RTL4: variants seen among roughly 807,000 people sequenced by gnomAD.
The protein encoded by RTL4 is retrotransposon Gag like 4.
Under a neutral mutation model 5.3 loss-of-function variants are expected in RTL4, and 4 were observed. The ratio of observed to expected loss-of-function variants is 0.75; its 90% confidence interval spans 0.37 to 1.72. The LOEUF (loss-of-function observed/expected upper bound fraction) is 1.72, where lower values mean the gene tolerates loss of function less well. Among genes scored for constraint, RTL4 ranks in the 40% most tolerant of loss-of-function variants. The pLI, the probability that RTL4 is intolerant of heterozygous loss-of-function variation, is 0.04. For missense variants in RTL4, 260 were observed against 227.1 expected, an observed-to-expected ratio of 1.14 and a Z score of -0.93; for synonymous variants, 98 against 87.3, an observed-to-expected ratio of 1.12 and a Z score of -0.68.
chrX:112,366,563 T>C, the RTL4 span, among the ~76,000 whole-genome samples: 2 of 112,039 alleles, frequency 1.8e-5, no homozygotes, highest in East Asian at 5.7e-4. Flanking sequence ...AGATAAGTAT[T>C]TGTTTGTTGA....
chrX:112,088,933 A>C, the RTL4 span, among the ~76,000 whole-genome samples: 2 of 111,920 alleles, frequency 1.8e-5, no homozygotes, highest in African/African-American at 6.5e-5. Context: ...TTGTTGAGTT[A>C]TAAATGTTCT....
the RTL4 span, among the ~76,000 whole-genome samples, chrX:112,445,197 A>C: frequency 1.8e-5 from 2 of 111,500 alleles, no homozygotes; most frequent in Admixed American, 1.9e-4. Context: ...GGAGCTGTTT[A>C]CTTGTCACCT....
the RTL4 span, among the ~76,000 whole-genome samples, chrX:112,257,885 A>ATATG: frequency 4.3e-4 from 45 of 104,272 alleles, no homozygotes; most frequent in African/African-American, 1.6e-3. Context: ...ATATATATAT[A>ATATG]TGTGTATATA....
chrX:112,425,565 T>C, the RTL4 span, among the ~76,000 whole-genome samples: 1 of 111,592 alleles, frequency 9.0e-6, no homozygotes, highest in Non-Finnish European at 1.9e-5. Context: ...AGAGTTCCTG[T>C]TGTCCACATC....
chrX:112,360,322 T>C, the RTL4 span, among the ~76,000 whole-genome samples: 1,677 of 111,414 alleles, frequency 0.015, 34 homozygotes, highest in African/African-American at 0.052. Flanking sequence ...CTAGATTTGG[T>C]TTATTGGCTC....
At chrX:112,212,375 C>CA in the RTL4 span, among the ~76,000 whole-genome samples, 44 of 105,054 alleles carry the variant, frequency 4.2e-4, no homozygotes, top group South Asian at 1.7e-3. Flanking sequence ...GACTCCGTCT[C>CA]AAAAAAAAAA....
the RTL4 span, among the ~76,000 whole-genome samples, chrX:112,346,558 T>C: frequency 9.0e-6 from 1 of 111,402 alleles, no homozygotes; most frequent in Non-Finnish European, 1.9e-5. Context: ...GAAGAATGGC[T>C]GGGGTTCGGG....
the RTL4 span, among the ~76,000 whole-genome samples, chrX:112,406,108 A>G: frequency 9.0e-6 from 1 of 111,655 alleles, no homozygotes; most frequent in African/African-American, 3.3e-5. Flanking sequence ...CCGTGAGCCA[A>G]AGTGCTCTAG....
the RTL4 span, among the ~76,000 whole-genome samples, chrX:112,192,728 G>T: frequency 1.6e-3 from 179 of 111,402 alleles, 4 homozygotes; most frequent in East Asian, 0.036. Flanking sequence ...GCCATGAACA[G>T]AGATTTATAA....
At chrX:112,141,333 A>G in the RTL4 span, among the ~76,000 whole-genome samples, 2 of 111,883 alleles carry the variant, frequency 1.8e-5, no homozygotes, top group Non-Finnish European at 3.8e-5. Context: ...AATTTTCTAC[A>G]TAAATATTTT....
the RTL4 span, among the ~76,000 whole-genome samples, chrX:112,295,821 T>C: frequency 8.9e-6 from 1 of 112,306 alleles, no homozygotes; most frequent in Non-Finnish European, 1.9e-5. Context: ...TTTTTCTCTG[T>C]CGAAATTACT....
chrX:112,281,084 G>A, the RTL4 span, among the ~76,000 whole-genome samples: 1 of 111,232 alleles, frequency 9.0e-6, no homozygotes, highest in Non-Finnish European at 1.9e-5. Flanking sequence ...TTTTATAATA[G>A]ATTTCTTAAA....
chrX:112,303,166 A>G, the RTL4 span, among the ~76,000 whole-genome samples: 3 of 111,791 alleles, frequency 2.7e-5, no homozygotes, highest in Non-Finnish European at 5.6e-5. Flanking sequence ...ACATTATTTC[A>G]TTGTTTATAT....
chrX:112,259,351 G>A, the RTL4 span, among the ~76,000 whole-genome samples: 1 of 110,880 alleles, frequency 9.0e-6, no homozygotes, highest in Non-Finnish European at 1.9e-5. Flanking sequence ...GTTTAGTTCT[G>A]TTTGAAACAG....
the RTL4 span, among the ~76,000 whole-genome samples, chrX:112,233,788 T>C: frequency 9.0e-6 from 1 of 111,421 alleles, no homozygotes; most frequent in Non-Finnish European, 1.9e-5. Flanking sequence ...AGCACATACA[T>C]AAAACAACCA....
At chrX:112,210,057 A>C in the RTL4 span, among the ~76,000 whole-genome samples, 6 of 111,785 alleles carry the variant, frequency 5.4e-5, no homozygotes, top group African/African-American at 1.9e-4. Context: ...AGCAGCCTGG[A>C]CCTGTTGCAG....
At chrX:112,121,888 C>T in the RTL4 span, among the ~76,000 whole-genome samples, 1 of 111,267 alleles carries the variant, frequency 9.0e-6, no homozygotes, top group African/African-American at 3.3e-5. Flanking sequence ...ACAATAGATA[C>T]AGTAAAAGCA....
chrX:112,174,500 G>T, the RTL4 span, among the ~76,000 whole-genome samples: 1 of 106,217 alleles, frequency 9.4e-6, no homozygotes, highest in Non-Finnish European at 1.9e-5. Flanking sequence ...ATTTGGGTTG[G>T]TTCCAAGTCT....
At chrX:112,096,562 G>C in the RTL4 span, among the ~76,000 whole-genome samples, 8 of 111,483 alleles carry the variant, frequency 7.2e-5, no homozygotes, top group Admixed American at 1.9e-4. Flanking sequence ...CTCGCCAAAG[G>C]CTATATTGAT....
Sources: allele counts gnomAD v4.1 joint callset (sites outside exome capture counted in the v4.1 genomes callset), GRCh38; gene constraint gnomAD v4.1.1; transcripts MANE v1.5; gene names NCBI Gene and HGNC (gene_info 2026-07-23, HGNC 2026-07-21).